The following DOP1B variants were observed in gnomAD, a reference collection of about 807,000 sequenced individuals.
The protein encoded by DOP1B is protein DOP1B.
Under a neutral mutation model 233.5 loss-of-function variants are expected in DOP1B, and 174 were observed. The ratio of observed to expected loss-of-function variants is 0.75; its 90% confidence interval spans 0.66 to 0.85. The LOEUF (loss-of-function observed/expected upper bound fraction) is 0.85, where lower values mean the gene tolerates loss of function less well. Among genes scored for constraint, DOP1B ranks in the 40% least tolerant of loss-of-function variants. DOP1B has a pLI of 0.00. For missense variants in DOP1B, 2,652 were observed against 2,846.6 expected (o/e 0.93, Z 1.56); for synonymous variants, 1,190 against 1,185.6 (o/e 1.00, Z -0.08).
In DOP1B at chr21:36,219,400, C is replaced by G. The variant is rs570945685; in HGVS notation, c.1158C>G (p.Leu386=). The change falls in exon 10 of 37, where the codon CTC becomes CTG. Residue 386 remains leucine (L), a synonymous_variant. Transcript: ENST00000691173. ...CTCAAGTGGTTGGGAATTTGTTTCT[C>G]GAAGTCATCAGGGCCTTTTATTCTT... ...IGPQVVGNLF[L]EVIRAFYSYC... is the part of the protein sequence containing the mutation. 2.6e-5 allele frequency: 42 copies of G among 1,614,140 alleles called. No individual in the cohort carries two copies. In the South Asian group the frequency reaches 4.5e-4, roughly 17 times the overall value.
At chr21:36,227,570 GA>G in intron 12 of DOP1B, 115 bp from the exon 13 acceptor site, 3 of 919,384 alleles carry the variant, frequency 3.3e-6, no homozygotes, top group Non-Finnish European at 4.7e-6. Context: ...AAGAAAGAAA[GA>G]AAATTAGTGT....
At chr21:36,231,928 C>T (rs757294716) in intron 14 of DOP1B, among the ~76,000 whole-genome samples, 23 of 151,510 alleles carry the variant, frequency 1.5e-4, no homozygotes, top group Non-Finnish European at 3.2e-4. Flanking sequence ...TCACTACAGC[C>T]TCCGCCTCCC....
At position 36,227,749 on chromosome 21, in the gene DOP1B, C is replaced by G; in HGVS notation, c.1537C>G (p.Leu513Val). The change falls in exon 13 of 37, where the codon CTT (leucine) becomes GTT (valine). Residue 513 changes from leucine to valine, a missense_variant. By Grantham distance (32) the Leu-to-Val change is conservative. Coordinates refer to ENST00000691173, the MANE Select transcript of DOP1B (RefSeq NM_001320714.2). ...GGTGCTCGGCTGCCTGGTGCAGCCT[C>G]TTGCTGAGGACATGGAGGCCTTAAG... is the stretch of plus-strand genomic sequence containing the variant. The part of the protein sequence containing the change: ...PQVLGCLVQP[L>V]AEDMEALSLP... 1.2e-6 allele frequency: 2 copies of G among 1,612,950 alleles called. No individual in the cohort carries two copies. Among genetic ancestry groups the G allele is most frequent in the African/African-American group, 1.3e-5 (1 of 75,048 alleles).
rs1313235955 is a variant in DOP1B, at chr21:36,223,211, C to A, written c.1251-20C>A. Reference sequence around the variant, plus strand: ...GGATTTTTTTATAGACATATTTATTCATGTCCTCCCCTTTTACAGTGCAAT... The same window carrying A: ...GGATTTTTTTATAGACATATTTATTAATGTCCTCCCCTTTTACAGTGCAAT... On this transcript the variant is annotated intron_variant, in intron 10 of 36. Transcript: ENST00000691173. 1 of 1,555,180 alleles carries A rather than the reference C, an allele frequency of 6.4e-7. No homozygotes were observed. The highest frequency in any genetic ancestry group is 2.3e-5 in the Admixed American group (1 of 43,874).
intron 27 of DOP1B, among the ~76,000 whole-genome samples, chr21:36,275,056 G>C (rs2067335705): frequency 6.6e-6 from 1 of 152,016 alleles, no homozygotes; most frequent in Non-Finnish European, 1.5e-5. Context: ...TGTTGGCCAG[G>C]CTGGTCTCGA....
chr21:36,176,536 T>G (rs963349097), intron 2 of DOP1B, among the ~76,000 whole-genome samples: 1 of 152,176 alleles, frequency 6.6e-6, no homozygotes, highest in Non-Finnish European at 1.5e-5. Flanking sequence ...ACCTTTGTTC[T>G]GATGACCTCT....
rs2066460715 is a variant in DOP1B at position 36,208,883 on chromosome 21, G to A, written c.660G>A (p.Leu220=). 1 of 1,542,630 alleles carries A rather than the reference G, an allele frequency of 6.5e-7. No individual in the cohort carries two copies. The highest frequency in any genetic ancestry group is 8.7e-7 in the Non-Finnish European group (1 of 1,144,984). Residue 220 remains leucine, a synonymous_variant, in exon 5 of 37, where the codon CTG becomes CTA. Coordinates refer to ENST00000691173, the MANE Select transcript of DOP1B (RefSeq NM_001320714.2). The stretch of plus-strand genomic sequence containing the variant: ...CCGGCCGGGAGCAGAAGTACATGCT[G>A]GGGACCAATCACCAACTCACGGTGG... ...DAPGREQKYM[L]GTNHQLTVKS...
chr21:36,270,061 TC>T lies in DOP1B; in HGVS notation c.5538del (p.Leu1847TrpfsTer7), dbSNP rs1326977287. 6.2e-7 allele frequency: 1 copy of T among 1,614,084 alleles called. No homozygotes were observed. Among genetic ancestry groups the T allele is most frequent in the Non-Finnish European group, 8.5e-7 (1 of 1,180,028 alleles). On this transcript the variant is annotated frameshift_variant, in exon 27 of 37. Coordinates refer to ENST00000691173, the MANE Select transcript of DOP1B (RefSeq NM_001320714.2). LOFTEE classifies it high-confidence loss of function. ...AGCTGTGGGGAACATTGCCGGCTCT[TC>T]CTTGGAGCAAACCAGCTGGCTAAGC... ...LEAVGNIAGSSLEQTSWLSRN... is the reference protein window; with the variant it reads ...LEAVGNIAGSXLEQTSWLSRN...
chr21:36,245,681 C>T lies in DOP1B; in HGVS notation c.3701C>T (p.Pro1234Leu), dbSNP rs2066951116. 1 of 1,613,634 alleles carries T rather than the reference C, an allele frequency of 6.2e-7. No individual in the cohort carries two copies. Among genetic ancestry groups the T allele is most frequent in the Non-Finnish European group, 8.5e-7 (1 of 1,180,004 alleles). ...LFKHILLYLQ[P>L]YDSRRVLYAF... ...AAGCACATCCTGCTCTACCTGCAGC[C>T]CTACGACTCTCGGCGGGTCCTCTAT... Residue 1234 changes from proline to leucine, a missense_variant, in exon 19 of 37, where the codon CCC (proline) becomes CTC (leucine). By Grantham distance (98) the Pro-to-Leu change is moderately conservative (BLOSUM62 -3). Transcript: ENST00000691173. This position sits in a 1 kb window ranked among gnomAD's most constrained non-coding sequence, Gnocchi z 5.5.
intron 2 of DOP1B, among the ~76,000 whole-genome samples, chr21:36,184,775 G>C (rs550642816): frequency 8.5e-5 from 13 of 152,314 alleles, no homozygotes; most frequent in African/African-American, 2.9e-4. Flanking sequence ...GAGGCTCTGC[G>C]GGCTGCGGGG....
chr21:36,158,187 A>T (rs1020772285), intron 1 of DOP1B, among the ~76,000 whole-genome samples: 2 of 152,166 alleles, frequency 1.3e-5, no homozygotes, highest in African/African-American at 4.8e-5. Flanking sequence ...GAGCAGATAC[A>T]CTTCTTGTGT....
At chr21:36,213,026 C>T (rs566999668) in intron 7 of DOP1B, among the ~76,000 whole-genome samples, 2 of 152,306 alleles carry the variant, frequency 1.3e-5, no homozygotes, top group East Asian at 3.9e-4. Flanking sequence ...AGGTGATCTG[C>T]CCACCTCTAC....
At chr21:36,227,357 C>A (rs13046850) in intron 12 of DOP1B, among the ~76,000 whole-genome samples, 9 of 151,604 alleles carry the variant, frequency 5.9e-5, no homozygotes, top group African/African-American at 1.7e-4. Flanking sequence ...ACCATCCTGG[C>A]TAACACGGTG....
Position 36,278,154 on chromosome 21 carries a change from G to T in DOP1B, c.5823-55G>T, listed in dbSNP as rs1301012396. ...TATGTTTTCACAAATGAATCAAGTA[G>T]TTTTCCTTGGACAGTCCTTGACCTT... On this transcript the variant is annotated intron_variant, in intron 29 of 36. Coordinates refer to ENST00000691173, the MANE Select transcript of DOP1B (RefSeq NM_001320714.2). The T allele has an allele frequency of 1.9e-6, 3 of 1,613,438 alleles. No homozygotes were observed. The African/African-American group carries it at 4.0e-5, about 22-fold the overall frequency.
chr21:36,208,467 T>G (rs1281379309), intron 4 of DOP1B, among the ~76,000 whole-genome samples: 1 of 152,194 alleles, frequency 6.6e-6, no homozygotes, highest in Non-Finnish European at 1.5e-5. Flanking sequence ...TTAGCCACTT[T>G]CCATTGGCCA....
At chr21:36,232,240 C>T (rs2066776029) in intron 14 of DOP1B, among the ~76,000 whole-genome samples, 1 of 152,184 alleles carries the variant, frequency 6.6e-6, no homozygotes, top group Non-Finnish European at 1.5e-5. Flanking sequence ...GCCTTGGCCT[C>T]CCAAAGTGCT....
intron 5 of DOP1B, among the ~76,000 whole-genome samples, chr21:36,209,576 T>G (rs2066469014): frequency 6.6e-6 from 1 of 152,090 alleles, no homozygotes; most frequent in African/African-American, 2.4e-5. Context: ...CACTGCCCAC[T>G]CACACATGGA....
chr21:36,199,872 T>C (rs1434454980), intron 3 of DOP1B, among the ~76,000 whole-genome samples: 3 of 152,230 alleles, frequency 2.0e-5, no homozygotes, highest in Admixed American at 6.5e-5. Context: ...GTCTTTGCTA[T>C]TGTGACTAGT....
Position 36,260,734 on chromosome 21 carries a change from T to A in DOP1B, c.5315+2T>A. 1 of 1,614,044 alleles carries A rather than the reference T, an allele frequency of 6.2e-7. No individual in the cohort carries two copies. The highest frequency in any genetic ancestry group is 1.1e-5 in the South Asian group (1 of 91,048). ...GTTTTGCTATGCTTTTCTCCAAAGG[T>A]AATACAGTCCCCCGTCCTCCAAAAA... On this transcript the variant is annotated splice_donor_variant, in intron 24 of 36. Coordinates refer to ENST00000691173, the MANE Select transcript of DOP1B (RefSeq NM_001320714.2). LOFTEE classifies it high-confidence loss of function.
Sources: gnomAD v4.1 joint callset for allele counts (sites outside exome capture counted in the v4.1 genomes callset) on GRCh38, gnomAD v4.1.1 for gene constraint, Gnocchi (gnomAD v3.1) non-coding constraint, MANE v1.5 for transcripts, NCBI Gene and HGNC (gene_info 2026-07-23, HGNC 2026-07-21) for gene names.